The following UQCRC2 variants were observed in gnomAD, a reference collection of about 807,000 sequenced individuals.
UQCRC2 encodes cytochrome b-c1 complex subunit 2, mitochondrial.
A neutral mutation model predicts 55.6 loss-of-function variants in UQCRC2; 49 were observed. The observed-to-expected ratio is 0.88, with a 90% confidence interval of 0.70 to 1.12. The LOEUF (loss-of-function observed/expected upper bound fraction) is 1.12. Among genes scored for constraint, UQCRC2 ranks in the 50% most tolerant of loss-of-function variants. UQCRC2 has a pLI of 0.00. For synonymous variants in UQCRC2, 193 were observed against 192.0 expected (o/e 1.01, Z -0.04); for missense variants, 506 against 547.8 (o/e 0.92, Z 0.76).
rs1597963356 is a variant in UQCRC2 at position 21,972,131 on chromosome 16, G to C, written c.966+9G>C. On this transcript the variant is annotated intron_variant, in intron 10 of 13. Transcript: ENST00000268379. ...CTCAGCAGCCATTTGATGTGAGTCT[G>C]AACAGTTGGTATCTCTCTTTTTGCT... 5 of 1,609,988 alleles carry C rather than the reference G, an allele frequency of 3.1e-6. No individual in the cohort carries two copies. In the African/African-American group the frequency reaches 4.0e-5, roughly 13 times the overall value.
chr16:21,954,339 C>G (rs2141923847), intron 1 of UQCRC2, among the ~76,000 whole-genome samples: 1 of 152,202 alleles, frequency 6.6e-6, no homozygotes, highest in Non-Finnish European at 1.5e-5. Flanking sequence ...TGAGAAACCC[C>G]CCTAGATGGA....
At chr16:21,957,863 A>T (rs1039925704) in intron 3 of UQCRC2, among the ~76,000 whole-genome samples, 1 of 151,810 alleles carries the variant, frequency 6.6e-6, no homozygotes, top group Non-Finnish European at 1.5e-5. Flanking sequence ...GTTGCCCACA[A>T]CCCTTCATGT....
rs532692647 is a variant in UQCRC2, at chr16:21,982,794, G to A, written c.1279-294G>A. ...AGCCTGGCCAACATGGCGAAATCCC[G>A]TCTCTACTAAAAATACAAAAATTAG... On this transcript the variant is annotated intron_variant, in intron 13 of 13. Transcript: ENST00000268379. 7.2e-4 allele frequency among the ~76,000 whole-genome samples: 109 copies of A among 152,004 alleles called. 1 individual carries two copies. Among genetic ancestry groups the A allele is most frequent in the African/African-American group, 2.5e-3 (104 of 41,472 alleles).
intron 4 of UQCRC2, chr16:21,961,292 A>G (rs771964703): frequency 2.3e-6 from 1 of 442,916 alleles, no homozygotes; most frequent in Non-Finnish European, 4.5e-6. Context: ...GGTATTCTTT[A>G]TAAAGACTGG....
chr16:21,961,666 A>ATATATATATATATATT, intron 4 of UQCRC2, among the ~76,000 whole-genome samples: 1 of 111,112 alleles, frequency 9.0e-6, no homozygotes, highest in Admixed American at 9.4e-5. Context: ...ATATATATAT[A>ATATATATATATATATT]TATTTTAGAC....
rs758776261 is a variant in UQCRC2 at position 21,957,135 on chromosome 16, C to T, written c.34-100C>T. On this transcript the variant is annotated intron_variant, in intron 1 of 13. Coordinates refer to ENST00000268379, the MANE Select transcript of UQCRC2 (RefSeq NM_003366.4). ...GAGGTGGTTATTGCTCCTTCCACCC[C>T]CGAACACCCTCTGTCGCTTGGGTAC... is the stretch of plus-strand genomic sequence containing the variant. 10 of 1,158,054 alleles carry T rather than the reference C, an allele frequency of 8.6e-6. No individual in the cohort carries two copies. In the South Asian group the frequency reaches 1.1e-4, roughly 13 times the overall value. 71.7% of individuals were successfully genotyped at this position (1,158,054 alleles called of 1,614,324 possible). A position where few individuals can be genotyped will look rare whatever the true frequency, so the allele number is the denominator to read the frequency against.
At chr16:21,959,356 AC>A in intron 4 of UQCRC2, 1 of 277,330 alleles carries the variant, frequency 3.6e-6, no homozygotes, top group Non-Finnish European at 7.3e-6. Context: ...AGCATCTTCA[AC>A]CAGGAGCAGA....
intron 6 of UQCRC2, among the ~76,000 whole-genome samples, chr16:21,964,906 A>C (rs1481347932): frequency 6.6e-6 from 1 of 152,260 alleles, no homozygotes; most frequent in Non-Finnish European, 1.5e-5. Flanking sequence ...AAGGCATTGA[A>C]GCAAGAAAGC....
At chr16:21,974,105 TG>T in intron 11 of UQCRC2, 129 bp downstream of exon 11, 1 of 745,908 alleles carries the variant, frequency 1.3e-6, no homozygotes, top group East Asian at 2.8e-5. Context: ...CTGTATAGTA[TG>T]ATGTCATTGA....
At chr16:21,968,402 T>C in intron 7 of UQCRC2, 1 of 375,042 alleles carries the variant, frequency 2.7e-6, no homozygotes, top group Non-Finnish European at 4.8e-6. Context: ...TTCATTATAT[T>C]CACAGAGTTG....
In UQCRC2 at chr16:21,983,353, T is replaced by G. The variant is rs1015114844; in HGVS notation, c.*182T>G. On this transcript the variant is annotated 3_prime_UTR_variant, in exon 14 of 14. Transcript: ENST00000268379. Reference sequence around the variant, plus strand: ...CAATAAAACATTCTGTTTAAGTGTTTTTCTTACGTTTTTCTCAATGAGTTA... The same window carrying G: ...CAATAAAACATTCTGTTTAAGTGTTGTTCTTACGTTTTTCTCAATGAGTTA... 4 of 539,898 alleles carry G rather than the reference T, an allele frequency of 7.4e-6. No individual in the cohort carries two copies. In the South Asian group the frequency reaches 1.2e-4, roughly 16 times the overall value. The allele number at this position is 539,898 out of a possible 1,614,324, so 33.4% of individuals were successfully genotyped here. A position where few individuals can be genotyped will look rare whatever the true frequency, so the allele number is the denominator to read the frequency against.
At chr16:21,962,346 C>A in intron 4 of UQCRC2, 114 bp from the exon 5 acceptor site, 1 of 1,262,398 alleles carries the variant, frequency 7.9e-7, no homozygotes, top group Non-Finnish European at 1.1e-6. Context: ...TTATTGTTCG[C>A]ACCTTTTATA....
intron 12 of UQCRC2, chr16:21,980,197 G>T: frequency 4.3e-6 from 1 of 235,164 alleles, no homozygotes; most frequent in Non-Finnish European, 8.6e-6. Context: ...GTGACATGCA[G>T]AGGATCCAGA....
In UQCRC2 at chr16:21,953,372, T is replaced by G; in HGVS notation, c.-52T>G. 6.2e-7 allele frequency: 1 copy of G among 1,604,308 alleles called. No individual in the cohort carries two copies. Among genetic ancestry groups the G allele is most frequent in the Non-Finnish European group, 8.5e-7 (1 of 1,175,534 alleles). The stretch of plus-strand genomic sequence containing the variant: ...GGGAAACTCCCGGCCTCCGCCACCA[T>G]CTTGCTTTCCTTTAATCCGGCAGTG... On this transcript the variant is annotated 5_prime_UTR_variant, in exon 1 of 14. Coordinates refer to ENST00000268379, the MANE Select transcript of UQCRC2 (RefSeq NM_003366.4).
At chr16:21,979,125 A>G (rs2141947939) in intron 12 of UQCRC2, among the ~76,000 whole-genome samples, 1 of 152,344 alleles carries the variant, frequency 6.6e-6, no homozygotes, top group South Asian at 2.1e-4. Context: ...TGTGACCTTT[A>G]TAACACTGTG....
At chr16:21,972,968 C>T (rs532285469) in intron 10 of UQCRC2, among the ~76,000 whole-genome samples, 36 of 152,250 alleles carry the variant, frequency 2.4e-4, no homozygotes, top group African/African-American at 7.7e-4. Context: ...GGCGTGGTGG[C>T]GCACGCCTGT....
At position 21,983,268 on chromosome 16, in the gene UQCRC2, T is replaced by G; in HGVS notation, c.*97T>G. The G allele has an allele frequency of 9.0e-7, 1 of 1,114,738 alleles. No individual in the cohort carries two copies. Among genetic ancestry groups the G allele is most frequent in the East Asian group, 2.6e-5 (1 of 38,408 alleles). 69.1% of individuals were successfully genotyped at this position (1,114,738 alleles called of 1,614,324 possible). On this transcript the variant is annotated 3_prime_UTR_variant, in exon 14 of 14. Transcript: ENST00000268379. Reference sequence around the variant, plus strand: ...AAGTCTCTAATATATCATTTGTCTTTTTTCCAGTGAGGTAAAATAAGGCAT... The same window carrying G: ...AAGTCTCTAATATATCATTTGTCTTGTTTCCAGTGAGGTAAAATAAGGCAT...
intron 3 of UQCRC2, among the ~76,000 whole-genome samples, chr16:21,957,873 T>A (rs1898116481): frequency 1.3e-5 from 2 of 152,244 alleles, no homozygotes; most frequent in African/African-American, 4.8e-5. Flanking sequence ...ACCCTTCATG[T>A]TCCTTGACCT....
chr16:21,975,639 A>C (rs1329727564), intron 11 of UQCRC2, among the ~76,000 whole-genome samples: 1 of 152,068 alleles, frequency 6.6e-6, no homozygotes, highest in Non-Finnish European at 1.5e-5. Flanking sequence ...TTCCTTCTTG[A>C]CCCTGGCTTA....
Sources: gnomAD v4.1 joint callset for allele counts (sites outside exome capture counted in the v4.1 genomes callset) on GRCh38, gnomAD v4.1.1 for gene constraint, MANE v1.5 for transcripts, NCBI Gene and HGNC (gene_info 2026-07-23, HGNC 2026-07-21) for gene names.